The following ADAD1 variants were observed in gnomAD, a reference collection of about 807,000 sequenced individuals.
ADAD1 encodes adenosine deaminase domain-containing protein 1.
Under a neutral mutation model 66.8 loss-of-function variants are expected in ADAD1, and 46 were observed. That is an observed-to-expected ratio of 0.69 (90% CI 0.54 to 0.88). ADAD1 has a LOEUF of 0.88. Ranked by LOEUF, ADAD1 falls within the 40% of genes least tolerant of loss-of-function variation. ADAD1 has a pLI of 0.00. For synonymous variants in ADAD1, 248 were observed against 229.4 expected (o/e 1.08, Z -0.73); for missense variants, 617 against 681.8 (o/e 0.91, Z 1.06).
At position 122,420,358 on chromosome 4, in the gene ADAD1, T is replaced by C. The variant is rs184336858; in HGVS notation, c.1488-903T>C. Among the ~76,000 whole-genome samples, 86 of 152,316 alleles carry C rather than the reference T, an allele frequency of 5.6e-4. No homozygotes were observed. In the East Asian group the frequency reaches 0.011, roughly 19 times the overall value. ...GGGTCAACTGTTGGTCAACTAAAGG[T>C]CAGGTGAGCTGATCTTAGCCTGTGT... On this transcript the variant is annotated intron_variant, in intron 11 of 12. Transcript: ENST00000296513.
chr4:122,415,910 G>A (rs1031702568), intron 11 of ADAD1, among the ~76,000 whole-genome samples: 1 of 152,066 alleles, frequency 6.6e-6, no homozygotes, highest in Admixed American at 6.6e-5. Context: ...CATAACGTAT[G>A]TTTCTCCAAC....
chr4:122,389,246 T>G (rs2150540577), intron 5 of ADAD1, among the ~76,000 whole-genome samples: 1 of 152,282 alleles, frequency 6.6e-6, no homozygotes, highest in Non-Finnish European at 1.5e-5. Context: ...GGATTTCAGT[T>G]CTTTTGCATT....
intron 12 of ADAD1, among the ~76,000 whole-genome samples, chr4:122,427,549 T>TTCC (rs1553926021): frequency 7.1e-6 from 1 of 141,422 alleles, no homozygotes; most frequent in Non-Finnish European, 1.6e-5. Flanking sequence ...TTTTTTTTTT[T>TTCC]CCTGATGCGG....
intron 4 of ADAD1, among the ~76,000 whole-genome samples, chr4:122,382,148 T>C (rs1486917716): frequency 1.3e-5 from 2 of 152,218 alleles, no homozygotes; most frequent in Non-Finnish European, 2.9e-5. Context: ...CTCACACTGC[T>C]CTTGGAAAAT....
intron 7 of ADAD1, among the ~76,000 whole-genome samples, chr4:122,406,565 C>G (rs1796221429): frequency 6.6e-6 from 1 of 152,050 alleles, no homozygotes; most frequent in South Asian, 2.1e-4. Flanking sequence ...GAAATGTAAC[C>G]CAAGATGGTT....
intron 8 of ADAD1, among the ~76,000 whole-genome samples, chr4:122,409,313 G>A: frequency 6.6e-6 from 1 of 151,778 alleles, no homozygotes; most frequent in East Asian, 1.9e-4. Flanking sequence ...ACCAGCTTTT[G>A]GTTATTTTTT....
intron 8 of ADAD1, 150 bp downstream of exon 8, chr4:122,408,181 A>G (rs534828477): frequency 4.1e-5 from 34 of 827,520 alleles, no homozygotes; most frequent in Non-Finnish European, 5.8e-5. Flanking sequence ...GATTAATTCC[A>G]TGTCACCTTT....
chr4:122,415,737 A>G, intron 11 of ADAD1, 121 bp downstream of exon 11: 2 of 911,680 alleles, frequency 2.2e-6, no homozygotes, highest in Non-Finnish European at 1.6e-6. Context: ...AATTATTATC[A>G]TTAGTCAAGT....
chr4:122,394,473 A>C (rs769827560), intron 6 of ADAD1, among the ~76,000 whole-genome samples: 3 of 152,222 alleles, frequency 2.0e-5, no homozygotes, highest in African/African-American at 7.2e-5. Flanking sequence ...GGATTTGACA[A>C]GTTCCATGCC....
intron 10 of ADAD1, among the ~76,000 whole-genome samples, chr4:122,413,585 A>G (rs946000150): frequency 1.3e-5 from 2 of 151,994 alleles, no homozygotes; most frequent in African/African-American, 2.4e-5. Flanking sequence ...ATTTCCATCC[A>G]GAGGTCCTTT....
rs749092048 is a variant in ADAD1, at chr4:122,383,860, T to C, written c.423T>C (p.Thr141=). ...TGGTGGATGGTATTCAGTACAAGAC[T>C]GGACTGGGACAAAATAAAAAGGAGT... ...CAVVDGIQYK[T]GLGQNKKESR... The change falls in exon 5 of 13, where the codon ACT becomes ACC. Residue 141 remains threonine, a synonymous_variant. Coordinates refer to ENST00000296513, the MANE Select transcript of ADAD1 (RefSeq NM_139243.4). 6 of 1,613,890 alleles carry C rather than the reference T, an allele frequency of 3.7e-6. No individual in the cohort carries two copies.
intron 7 of ADAD1, among the ~76,000 whole-genome samples, chr4:122,404,160 T>C (rs1256704146): frequency 1.3e-5 from 2 of 152,302 alleles, no homozygotes; most frequent in East Asian, 1.9e-4. Flanking sequence ...GTGTGGCTTC[T>C]GCACTCCTAT....
chr4:122,388,094 C>A (rs908850637), intron 5 of ADAD1, among the ~76,000 whole-genome samples: 1 of 152,146 alleles, frequency 6.6e-6, no homozygotes, highest in Non-Finnish European at 1.5e-5. Flanking sequence ...TGAAATTTAT[C>A]AAAGGCCTTT....
At chr4:122,379,763 T>G in intron 2 of ADAD1, 1 of 233,924 alleles carries the variant, frequency 4.3e-6, no homozygotes. Context: ...TTCCTGACCT[T>G]GCTAATATCT....
At chr4:122,411,433 G>T in intron 9 of ADAD1, 41 bp downstream of exon 9, 3 of 1,547,384 alleles carry the variant, frequency 1.9e-6, no homozygotes, top group Non-Finnish European at 2.6e-6. Flanking sequence ...AAGTAGGATG[G>T]CCATGCCATA....
rs762849356 is a variant in ADAD1 at position 122,421,379 on chromosome 4, C to T, written c.1606C>T (p.His536Tyr). ...KKELLEAGTY[H>Y]AAKCMSASYQ... is the part of the protein sequence containing the mutation. The stretch of plus-strand genomic sequence containing the variant: ...AGAATTACTTGAAGCTGGTACATAT[C>T]ATGCAGCTAAGGTAAGTCCTTAAAG... Residue 536 changes from histidine (H) to tyrosine (Y), a missense_variant, in exon 12 of 13, where the codon CAT (histidine) becomes TAT (tyrosine). By Grantham distance (83) the His-to-Tyr change is moderately conservative. Transcript: ENST00000296513. 1 of 1,593,682 alleles carries T rather than the reference C, an allele frequency of 6.3e-7. No individual in the cohort carries two copies. Among genetic ancestry groups the T allele is most frequent in the South Asian group, 1.1e-5 (1 of 88,086 alleles).
chr4:122,413,903 A>G (rs1467788052), intron 10 of ADAD1, among the ~76,000 whole-genome samples: 2 of 142,490 alleles, frequency 1.4e-5, no homozygotes, highest in South Asian at 2.2e-4. Context: ...CAGGTCTTCT[A>G]TAGTGTTTGA....
intron 6 of ADAD1, among the ~76,000 whole-genome samples, chr4:122,395,734 C>T (rs1266256801): frequency 1.3e-5 from 2 of 151,770 alleles, no homozygotes; most frequent in African/African-American, 2.4e-5. Flanking sequence ...CTATGGTAAT[C>T]CTGGGTTACT....
intron 12 of ADAD1, among the ~76,000 whole-genome samples, chr4:122,427,368 A>G (rs531069286): frequency 1.3e-5 from 2 of 152,164 alleles, no homozygotes; most frequent in Non-Finnish European, 2.9e-5. Context: ...AAGTAAATGG[A>G]GAGATGTACC....
Sources: gnomAD v4.1 joint callset for allele counts (sites outside exome capture counted in the v4.1 genomes callset) on GRCh38, gnomAD v4.1.1 for gene constraint, MANE v1.5 for transcripts, NCBI Gene and HGNC (gene_info 2026-07-23, HGNC 2026-07-21) for gene names.